Variants in ZNF516 observed in about 807,000 individuals in gnomAD.
The protein encoded by ZNF516 is zinc finger protein 516.
A neutral mutation model predicts 79.7 loss-of-function variants in ZNF516; 19 were observed. That is an observed-to-expected ratio of 0.24 (90% CI 0.17 to 0.35). The LOEUF (loss-of-function observed/expected upper bound fraction) is 0.35, where lower values mean the gene tolerates loss of function less well. Ranked by LOEUF, ZNF516 falls within the 10% of genes least tolerant of loss-of-function variation. ZNF516 has a pLI of 1.00. For synonymous variants in ZNF516, 877 were observed against 739.5 expected, an observed-to-expected ratio of 1.19 and a Z score of -3.02; for missense variants, 1,678 against 1,679.5, an observed-to-expected ratio of 1.00 and a Z score of 0.02.
intron 3 of ZNF516, among the ~76,000 whole-genome samples, chr18:76,391,242 T>C (rs933694469): frequency 6.6e-6 from 1 of 151,586 alleles, no homozygotes; most frequent in Non-Finnish European, 1.5e-5. Context: ...CCGAGGAGGG[T>C]ACTACCATAA....
At chr18:76,396,428 A>C (rs1481910706) in intron 3 of ZNF516, among the ~76,000 whole-genome samples, 7 of 152,188 alleles carry the variant, frequency 4.6e-5, no homozygotes, top group Non-Finnish European at 1.0e-4. Flanking sequence ...CTGCATTCAA[A>C]ATCATTTCAA....
chr18:76,413,771 A>T (rs552816728), intron 3 of ZNF516, among the ~76,000 whole-genome samples: 5 of 152,364 alleles, frequency 3.3e-5, no homozygotes, highest in African/African-American at 9.6e-5. Context: ...CAGGTCTTTA[A>T]ATGATGACGT....
At chr18:76,433,834 A>G (rs1489171099) in intron 3 of ZNF516, among the ~76,000 whole-genome samples, 4 of 152,190 alleles carry the variant, frequency 2.6e-5, no homozygotes, top group Non-Finnish European at 5.9e-5. Context: ...CAGAATCATC[A>G]GTCGGAATGA....
chr18:76,441,800 A>G lies in ZNF516; in HGVS notation c.1255T>C (p.Trp419Arg). 4 of 1,560,746 alleles carry G rather than the reference A, an allele frequency of 2.6e-6. No individual in the cohort carries two copies. Among genetic ancestry groups the G allele is most frequent in the Non-Finnish European group, 3.4e-6 (4 of 1,160,036 alleles). The change falls in exon 3 of 7, where the codon TGG (tryptophan) becomes CGG (arginine). Residue 419 changes from tryptophan (W) to arginine (R), a missense_variant. Physicochemically the swap from Trp to Arg is moderately radical, Grantham distance 101 (BLOSUM62 -3). This residue lies in a region of ZNF516 where 1,294 missense variants were observed against 1,248.3 expected (regional missense o/e 1.04). Transcript: ENST00000443185. ...ELDPVNSYQA[W>R]QLATRGKVAE... Reference sequence around the variant, plus strand: ...ACCTTACCCCGCGTGGCCAGCTGCCAGGCCTGGTAGCTGTTGACCGGGTCC... The same window carrying G: ...ACCTTACCCCGCGTGGCCAGCTGCCGGGCCTGGTAGCTGTTGACCGGGTCC...
intron 2 of ZNF516, among the ~76,000 whole-genome samples, chr18:76,461,796 A>AG (rs1185081344): frequency 2.0e-5 from 3 of 152,208 alleles, no homozygotes; most frequent in Non-Finnish European, 2.9e-5. Context: ...CCAACAGGCG[A>AG]GGGGCCCAGG....
intron 2 of ZNF516, among the ~76,000 whole-genome samples, chr18:76,458,232 TG>T (rs1157584494): frequency 1.3e-5 from 2 of 152,202 alleles, no homozygotes; most frequent in Non-Finnish European, 2.9e-5. Context: ...AAAGCTGATG[TG>T]GAAAGGAAAC....
intron 1 of ZNF516, among the ~76,000 whole-genome samples, chr18:76,473,583 C>G (rs181246457): frequency 6.6e-6 from 1 of 151,962 alleles, no homozygotes; most frequent in Non-Finnish European, 1.5e-5. Context: ...GGGCGGATCA[C>G]GAGGTCAGGA....
rs372622548 is a variant in ZNF516 at position 76,442,368 on chromosome 18, G to A, written c.687C>T (p.Pro229=). The change falls in exon 3 of 7, where the codon CCC becomes CCT. Residue 229 remains proline (P), a synonymous_variant. Coordinates refer to ENST00000443185, the MANE Select transcript of ZNF516 (RefSeq NM_014643.4). ...TCTCCACGCAGGCCTCGCCGCTGCC[G>A]GGCCCCTGCGCGGTGATGTGGTCCC... ...IERDHITAQG[P]GSGEACVENG... is the part of the protein sequence containing the mutation. 1.1e-5 allele frequency: 18 copies of A among 1,609,032 alleles called. No homozygotes were observed. In the African/African-American group the frequency reaches 1.7e-4, roughly 16 times the overall value.
At chr18:76,362,819 G>A (rs1271349767) in intron 6 of ZNF516, among the ~76,000 whole-genome samples, 5 of 152,182 alleles carry the variant, frequency 3.3e-5, no homozygotes, top group Non-Finnish European at 7.3e-5. Flanking sequence ...GATTTAGAAA[G>A]GATCATTAGG....
chr18:76,473,530 G>T (rs181374770), intron 1 of ZNF516, among the ~76,000 whole-genome samples: 1 of 152,086 alleles, frequency 6.6e-6, no homozygotes, highest in African/African-American at 2.4e-5. Flanking sequence ...GGCTGGGTGC[G>T]GTGGCTCACG....
chr18:76,442,824 C>T lies in ZNF516; in HGVS notation c.231G>A (p.Leu77=). Residue 77 remains leucine (L), a synonymous_variant, in exon 3 of 7, where the codon CTG becomes CTA. Transcript: ENST00000443185. ...CDHRASQKGN[L]KIHIRSHRTG... is the part of the protein sequence containing the mutation. ...TGCGGTGGCTCCGGATGTGAATCTT[C>T]AGGTTGCCCTTCTGGGAAGCCCGGT... 6.2e-7 allele frequency: 1 copy of T among 1,612,680 alleles called. No homozygotes were observed. Among genetic ancestry groups the T allele is most frequent in the Non-Finnish European group, 8.5e-7 (1 of 1,179,320 alleles).
intron 3 of ZNF516, among the ~76,000 whole-genome samples, chr18:76,422,462 G>C (rs978721213): frequency 6.6e-5 from 10 of 152,218 alleles, no homozygotes; most frequent in Non-Finnish European, 1.0e-4. Flanking sequence ...AGAAATATAG[G>C]TCAAAAGACA....
chr18:76,377,801 C>T (rs1002897154), intron 4 of ZNF516, among the ~76,000 whole-genome samples: 104 of 151,604 alleles, frequency 6.9e-4, no homozygotes, highest in African/African-American at 2.3e-3. Flanking sequence ...CTGCAACCTC[C>T]GCCTCCTGGG....
At chr18:76,469,149 A>G (rs796256460) in intron 1 of ZNF516, among the ~76,000 whole-genome samples, 13 of 152,360 alleles carry the variant, frequency 8.5e-5, no homozygotes, top group African/African-American at 3.1e-4. Context: ...AGGTAGTCAA[A>G]TCAGGGTGTG....
At chr18:76,407,256 T>A (rs748091233) in intron 3 of ZNF516, among the ~76,000 whole-genome samples, 7 of 151,912 alleles carry the variant, frequency 4.6e-5, no homozygotes, top group African/African-American at 9.7e-5. Context: ...AGAGACCCCA[T>A]CTCCACAAAA....
At chr18:76,483,146 T>TGTA (rs1914623733) in intron 1 of ZNF516, among the ~76,000 whole-genome samples, 1 of 152,206 alleles carries the variant, frequency 6.6e-6, no homozygotes, top group Non-Finnish European at 1.5e-5. Context: ...AAAAACTACC[T>TGTA]GCTCCCTGGC....
Position 76,379,392 on chromosome 18 carries a change from G to A in ZNF516, c.2722C>T (p.Pro908Ser). ...GGTTTGGAGCTAGCCTCCTGCCTGG[G>A]CTTGGCCAGGGGCCCCTGTGTGGCC... is the stretch of plus-strand genomic sequence containing the variant. Reference protein sequence around the residue: ...GAATQGPLAKPRQEASSKPVP... With the variant: ...GAATQGPLAKSRQEASSKPVP... Residue 908 changes from proline (P) to serine (S), a missense_variant, in exon 4 of 7, where the codon CCC (proline) becomes TCC (serine). Coordinates refer to ENST00000443185, the MANE Select transcript of ZNF516 (RefSeq NM_014643.4). 1 of 1,602,626 alleles carries A rather than the reference G, an allele frequency of 6.2e-7. No individual in the cohort carries two copies.
At chr18:76,453,866 T>C (rs1488517771) in intron 2 of ZNF516, among the ~76,000 whole-genome samples, 3 of 152,232 alleles carry the variant, frequency 2.0e-5, no homozygotes. Flanking sequence ...AATTTGTTTC[T>C]ACAAATAAGC....
At chr18:76,421,701 A>G (rs1321630636) in intron 3 of ZNF516, among the ~76,000 whole-genome samples, 1 of 152,238 alleles carries the variant, frequency 6.6e-6, no homozygotes, top group Admixed American at 6.5e-5. Context: ...ATGTTTCACT[A>G]TTACAGAGGG....
Sources: allele counts gnomAD v4.1 joint callset (sites outside exome capture counted in the v4.1 genomes callset), GRCh38; gene constraint gnomAD v4.1.1; regional missense constraint gnomAD v4.1.1; transcripts MANE v1.5; gene names NCBI Gene and HGNC (gene_info 2026-07-23, HGNC 2026-07-21).